Variants in ITGA9 observed in about 807,000 individuals in gnomAD.
The protein encoded by ITGA9 is integrin subunit alpha 9.
In ITGA9, 56 loss-of-function variants were observed where a neutral mutation model predicts 127.8. The observed-to-expected ratio is 0.44, with a 90% CI of 0.35 to 0.55. The LOEUF is 0.55. Ranked by LOEUF, ITGA9 falls within the 20% of genes least tolerant of loss-of-function variation. The pLI is 0.00. For synonymous variants in ITGA9, 508 were observed against 514.5 expected (o/e 0.99, Z 0.17); for missense variants, 1,196 against 1,347.1 (o/e 0.89, Z 1.76).
At chr3:37,530,268 A>C (rs1299912982) in intron 13 of ITGA9, among the ~76,000 whole-genome samples, 1 of 152,264 alleles carries the variant, frequency 6.6e-6, no homozygotes, top group African/African-American at 2.4e-5. Context: ...GGCTTGGCTC[A>C]GCCTGGCCTA....
intron 8 of ITGA9, among the ~76,000 whole-genome samples, chr3:37,509,025 T>A (rs1328123869): frequency 1.3e-5 from 2 of 152,206 alleles, no homozygotes; most frequent in African/African-American, 4.8e-5. Flanking sequence ...CTGAGCCTGT[T>A]TCACCAGCCC....
chr3:37,773,520 ATATGCCTAAATATAG>A (rs1165598426), intron 23 of ITGA9, among the ~76,000 whole-genome samples: 1 of 152,216 alleles, frequency 6.6e-6, no homozygotes, highest in African/African-American at 2.4e-5. Context: ...AATGTACTAT[ATATGCCTAAATATAG>A]GGCAAGCCCC....
chr3:37,460,849 G>A (rs1412068938), intron 1 of ITGA9, among the ~76,000 whole-genome samples: 15 of 152,130 alleles, frequency 9.9e-5, no homozygotes, highest in Non-Finnish European at 2.1e-4. Flanking sequence ...TTGGCCTCCC[G>A]AAGTGCTGGG....
chr3:37,489,573 C>T (rs546341101), intron 4 of ITGA9, among the ~76,000 whole-genome samples: 1 of 152,242 alleles, frequency 6.6e-6, no homozygotes, highest in South Asian at 2.1e-4. Flanking sequence ...ATAAAATGTT[C>T]TCGCTTCCTC....
chr3:37,637,065 G>T (rs550539690), intron 16 of ITGA9, among the ~76,000 whole-genome samples: 3 of 152,176 alleles, frequency 2.0e-5, no homozygotes, highest in Non-Finnish European at 4.4e-5. Flanking sequence ...GTCAGGTAGC[G>T]TGACGCCTCC....
At chr3:37,729,965 G>C (rs1348151497) in intron 18 of ITGA9, among the ~76,000 whole-genome samples, 1 of 152,162 alleles carries the variant, frequency 6.6e-6, no homozygotes, top group Non-Finnish European at 1.5e-5. Flanking sequence ...GCCTCCCAGA[G>C]TGCTGGGATT....
At chr3:37,758,687 G>A (rs929161574) in intron 23 of ITGA9, among the ~76,000 whole-genome samples, 2 of 106,354 alleles carry the variant, frequency 1.9e-5, no homozygotes, top group Non-Finnish European at 4.2e-5. Flanking sequence ...GTCCCTGCTA[G>A]TGTCTCTTCA....
In ITGA9 at chr3:37,785,717, G is replaced by A. The variant is rs182822945; in HGVS notation, c.2889+639G>A. On this transcript the variant is annotated intron_variant, in intron 26 of 27. Transcript: ENST00000264741. ...TGGTCTCAAACTCCTGGCTTCAAGCGATCCTCCTGCCTCAGCCTCCCAAAA... is the reference window on the plus strand; with the variant it reads ...TGGTCTCAAACTCCTGGCTTCAAGCAATCCTCCTGCCTCAGCCTCCCAAAA... Among the ~76,000 whole-genome samples the A allele has an allele frequency of 5.0e-3, 757 of 152,208 alleles. 7 individuals carry two copies. Among genetic ancestry groups the A allele is most frequent in the Non-Finnish European group, 8.9e-3 (603 of 68,028 alleles).
At chr3:37,578,384 G>C (rs916589317) in intron 15 of ITGA9, among the ~76,000 whole-genome samples, 23 of 152,298 alleles carry the variant, frequency 1.5e-4, no homozygotes, top group South Asian at 8.3e-4. Flanking sequence ...CATTCCTAGA[G>C]GGATATGGAA....
At chr3:37,759,077 C>CCA (rs10565669) in intron 23 of ITGA9, among the ~76,000 whole-genome samples, 32,591 of 145,980 alleles carry the variant, frequency 0.22, 3,543 homozygotes, top group East Asian at 0.34. Flanking sequence ...ATATATATAC[C>CCA]CACACACACA....
intron 15 of ITGA9, among the ~76,000 whole-genome samples, chr3:37,553,959 G>A (rs920192941): frequency 1.3e-5 from 2 of 152,148 alleles, no homozygotes; most frequent in Non-Finnish European, 2.9e-5. Flanking sequence ...GCTGATGTTG[G>A]TTCAGTGACT....
intron 15 of ITGA9, among the ~76,000 whole-genome samples, chr3:37,556,735 C>T (rs950745567): frequency 3.3e-5 from 5 of 152,198 alleles, no homozygotes; most frequent in African/African-American, 7.2e-5. Context: ...CAGGGGAAAA[C>T]GGACAAAGCC....
intron 13 of ITGA9, among the ~76,000 whole-genome samples, 160 bp from the exon 14 acceptor site, chr3:37,533,154 A>G (rs1029451825): frequency 6.6e-6 from 1 of 152,206 alleles, no homozygotes; most frequent in Admixed American, 6.5e-5. Flanking sequence ...CCAGAAAAAA[A>G]TGCTCACAGA....
chr3:37,716,990 A>C (rs1701142540), intron 18 of ITGA9, among the ~76,000 whole-genome samples: 1 of 152,188 alleles, frequency 6.6e-6, no homozygotes, highest in Admixed American at 6.5e-5. Context: ...GGTTCTTGGC[A>C]TCGGGCTTTT....
Position 37,471,123 on chromosome 3 carries a change from A to G in ITGA9, c.302A>G (p.Asp101Gly). 6.2e-7 allele frequency: 1 copy of G among 1,613,986 alleles called. No individual in the cohort carries two copies. Among genetic ancestry groups the G allele is most frequent in the Non-Finnish European group, 8.5e-7 (1 of 1,179,982 alleles). The change falls in exon 2 of 28, where the codon GAC (aspartate) becomes GGC (glycine). Residue 101 changes from aspartate to glycine, a missense_variant. Asp to Gly is a moderately conservative substitution (Grantham distance 94, BLOSUM62 -1). Coordinates refer to ENST00000264741, the MANE Select transcript of ITGA9 (RefSeq NM_002207.3). ...CCTGACCGGAGATGCACCGAACTGG[A>G]CATGGCTCGAGGTGGGTGACCATTA... Reference protein sequence around the residue: ...TNPDRRCTELDMARGKNRGTS... With the variant: ...TNPDRRCTELGMARGKNRGTS...
chr3:37,644,221 G>A (rs573591423), intron 16 of ITGA9, among the ~76,000 whole-genome samples: 2 of 152,322 alleles, frequency 1.3e-5, no homozygotes, highest in Admixed American at 1.3e-4. Flanking sequence ...TGGGGCCAGG[G>A]CCTCACCAAG....
At chr3:37,780,176 GT>G (rs1337828828) in intron 25 of ITGA9, among the ~76,000 whole-genome samples, 155 bp downstream of exon 25, 1 of 152,108 alleles carries the variant, frequency 6.6e-6, no homozygotes. Context: ...ACAAGAGACT[GT>G]TTTTATTTTT....
chr3:37,577,175 A>G (rs1699662410), intron 15 of ITGA9, among the ~76,000 whole-genome samples: 1 of 152,218 alleles, frequency 6.6e-6, no homozygotes, highest in Non-Finnish European at 1.5e-5. Context: ...CAGACATGAC[A>G]CCACCCTGTG....
In ITGA9 at chr3:37,512,159, C is replaced by CTTTTG. The variant is rs369704711; in HGVS notation, c.898-1600_898-1599insGTTTT. Among the ~76,000 whole-genome samples the CTTTTG allele has an allele frequency of 1.2e-4, 2 of 17,178 alleles. 1 individual carries two copies. Among genetic ancestry groups the CTTTTG allele is most frequent in the African/African-American group, 4.1e-4 (2 of 4,876 alleles). The allele number at this position is 17,178 out of a possible 152,430, so 11.3% of individuals were successfully genotyped here. ...CTTTTCTTTTCTTTTCTTTTCTTTTCTTTTCTTTTCTTTTCTTTTCTTTTC... is the reference window on the plus strand; with the variant it reads ...CTTTTCTTTTCTTTTCTTTTCTTTTCTTTTGTTTTCTTTTCTTTTCTTTTCTTTTC... On this transcript the variant is annotated intron_variant, in intron 8 of 27. Coordinates refer to ENST00000264741, the MANE Select transcript of ITGA9 (RefSeq NM_002207.3).
Sources: gnomAD v4.1 joint callset for allele counts (sites outside exome capture counted in the v4.1 genomes callset) on GRCh38, gnomAD v4.1.1 for gene constraint, MANE v1.5 for transcripts, NCBI Gene and HGNC (gene_info 2026-07-23, HGNC 2026-07-21) for gene names.